The following IFT122 variants were observed in gnomAD, a reference collection of about 807,000 sequenced individuals.
IFT122 encodes the protein intraflagellar transport protein 122 homolog.
In IFT122, 118 loss-of-function variants were observed where a neutral mutation model predicts 161.6. The ratio of observed to expected loss-of-function variants is 0.73; its 90% CI spans 0.63 to 0.85. IFT122 has a LOEUF of 0.85. Among genes scored for constraint, IFT122 ranks in the 40% least tolerant of loss-of-function variants. The probability of loss-of-function intolerance (pLI) is 0.00; values close to 1 mark genes in which losing one functional copy is unlikely to be tolerated. For missense variants in IFT122, 1,381 were observed against 1,579.6 expected (o/e 0.87, Z 2.13); for synonymous variants, 550 against 602.4 (o/e 0.91, Z 1.27).
rs1430489704 is a variant in IFT122, at chr3:129,519,197, C to T, written c.3471+11C>T. The T allele has an allele frequency of 4.3e-6, 7 of 1,612,576 alleles. No homozygotes were observed. The Admixed American group carries it at 1.2e-4, about 27-fold the overall frequency. On this transcript the variant is annotated intron_variant, in intron 28 of 29. Transcript: ENST00000348417. ...AAGCTGAGCTTTGAGGTGAGGGTGCCTCTCTGGGTGACCTGCAGGAGGGCA... is the reference window on the plus strand; with the variant it reads ...AAGCTGAGCTTTGAGGTGAGGGTGCTTCTCTGGGTGACCTGCAGGAGGGCA...
rs372702964 is a variant in IFT122 at position 129,458,595 on chromosome 3, T to C, written c.194-4T>C. The C allele has an allele frequency of 6.5e-5, 105 of 1,613,226 alleles. No individual in the cohort carries two copies. The highest frequency in any genetic ancestry group is 8.2e-5 in the Non-Finnish European group (97 of 1,179,274). ...AAGACTTTCCATTTTACAAACACTTTTAGGCAAGCGCTTTGCTTCTGGATC... is the reference window on the plus strand; with the variant it reads ...AAGACTTTCCATTTTACAAACACTTCTAGGCAAGCGCTTTGCTTCTGGATC... On this transcript the variant is annotated splice_polypyrimidine_tract_variant and splice_region_variant and intron_variant, in intron 3 of 29. Transcript: ENST00000348417.
At chr3:129,482,347 G>A (rs1476352792) in intron 14 of IFT122, among the ~76,000 whole-genome samples, 5 of 152,204 alleles carry the variant, frequency 3.3e-5, no homozygotes, top group Non-Finnish European at 7.3e-5. Context: ...TTTCTGCTGG[G>A]CTCGCGCCAT....
At chr3:129,460,736 G>A in intron 4 of IFT122, 5 of 812,676 alleles carry the variant, frequency 6.2e-6, no homozygotes, top group South Asian at 1.4e-5. Context: ...GAATGAATGA[G>A]TGAAGTTGTA....
intron 9 of IFT122, among the ~76,000 whole-genome samples, chr3:129,473,369 T>C (rs2077567350): frequency 1.3e-5 from 2 of 152,246 alleles, no homozygotes; most frequent in African/African-American, 4.8e-5. Context: ...TTGATTTTTT[T>C]CCCTTGAATA....
At chr3:129,446,266 C>A (rs1319455533) in intron 1 of IFT122, among the ~76,000 whole-genome samples, 1 of 151,680 alleles carries the variant, frequency 6.6e-6, no homozygotes, top group Non-Finnish European at 1.5e-5. Context: ...ACTCTGTCGC[C>A]CAGGCTGGAG....
intron 16 of IFT122, among the ~76,000 whole-genome samples, chr3:129,490,844 G>GC (rs563810995): frequency 5.1e-4 from 77 of 152,284 alleles, no homozygotes; most frequent in Non-Finnish European, 1.0e-3. Flanking sequence ...TGTGATGCCC[G>GC]CATTGCCCTT....
In IFT122 at chr3:129,451,949, C is replaced by T; in HGVS notation, c.144C>T (p.Pro48=). The change falls in exon 3 of 30, where the codon CCC becomes CCT. Residue 48 remains proline (P), a synonymous_variant. Coordinates refer to ENST00000348417, the MANE Select transcript of IFT122 (RefSeq NM_052989.3). ...YDTSDGTLLQ[P]LKGHKDTVYC... is the part of the protein sequence containing the mutation. ...CCTCTGATGGCACCTTACTTCAGCC[C>T]CTCAAGGGACACAAAGACACTGTGT... 1.2e-6 allele frequency: 2 copies of T among 1,614,064 alleles called. No individual in the cohort carries two copies. Among genetic ancestry groups the T allele is most frequent in the Admixed American group, 1.7e-5 (1 of 60,028 alleles).
At chr3:129,481,505 A>G (rs770720022) in intron 13 of IFT122, 25 bp from the exon 14 acceptor site, 3 of 1,486,834 alleles carry the variant, frequency 2.0e-6, no homozygotes, top group South Asian at 1.1e-5. Flanking sequence ...GGTGACTGAC[A>G]CTGTTTTCGC....
Position 129,488,376 on chromosome 3 carries a change from A to G in IFT122, c.1971A>G (p.Leu657=), listed in dbSNP as rs1225925305. The G allele has an allele frequency of 6.2e-6, 10 of 1,614,202 alleles. No homozygotes were observed. The South Asian group carries it at 1.1e-4, about 18-fold the overall frequency. Residue 657 remains leucine, a synonymous_variant, in exon 16 of 30, where the codon TTA becomes TTG. Transcript: ENST00000348417. ...RELAMEALEG[L]DFETAKKAFI... ...TGGCCATGGAAGCGCTAGAAGGTTT[A>G]GATTTTGAAACAGCAAAGAAGGTAA... is the stretch of plus-strand genomic sequence containing the variant.
At chr3:129,512,508 T>G in intron 24 of IFT122, 96 bp downstream of exon 24, 1 of 888,212 alleles carries the variant, frequency 1.1e-6, no homozygotes, top group Non-Finnish European at 1.9e-6. Context: ...AGAACCTTCC[T>G]CTCTCAGCAA....
At chr3:129,491,007 G>T (rs919892653) in intron 16 of IFT122, among the ~76,000 whole-genome samples, 2 of 152,200 alleles carry the variant, frequency 1.3e-5, no homozygotes, top group Non-Finnish European at 2.9e-5. Flanking sequence ...GCTCTGGGAG[G>T]TGTCATGATC....
At chr3:129,481,450 A>G (rs1468979530) in intron 13 of IFT122, 80 bp from the exon 14 acceptor site, 3 of 1,312,486 alleles carry the variant, frequency 2.3e-6, no homozygotes, top group Non-Finnish European at 3.3e-6. Context: ...TGCAGAGCAC[A>G]TGGGATTCCA....
At chr3:129,440,443 T>C in intron 1 of IFT122, 72 bp downstream of exon 1, 1 of 1,519,878 alleles carries the variant, frequency 6.6e-7, no homozygotes, top group South Asian at 1.2e-5. Context: ...CGCTGCAGCG[T>C]GTTTGAGGGG....
At chr3:129,515,389 C>A (rs979405564) in intron 25 of IFT122, 99 bp from the exon 26 acceptor site, 3 of 1,011,142 alleles carry the variant, frequency 3.0e-6, no homozygotes, top group South Asian at 1.4e-5. Context: ...GGTGGCCTTT[C>A]CTCTTGGCAG....
Position 129,466,891 on chromosome 3 carries a change from C to A in IFT122, c.565C>A (p.Arg189=), listed in dbSNP as rs138329739. The A allele has an allele frequency of 1.2e-6, 2 of 1,613,634 alleles. No homozygotes were observed. The highest frequency in any genetic ancestry group is 1.7e-6 in the Non-Finnish European group (2 of 1,179,534). ...IWSICWNPSS[R]WESFWMNREN... The stretch of plus-strand genomic sequence containing the variant: ...TGAACAACTACTTACTGTCTACAGC[C>A]GATGGGAGAGTTTCTGGATGAACAG... Residue 189 remains arginine (R), a splice_region_variant and synonymous_variant, in exon 8 of 30, where the codon CGA becomes AGA. Coordinates refer to ENST00000348417, the MANE Select transcript of IFT122 (RefSeq NM_052989.3).
At chr3:129,466,711 C>T (rs2076832424) in intron 7 of IFT122, among the ~76,000 whole-genome samples, 179 bp from the exon 8 acceptor site, 2 of 151,994 alleles carry the variant, frequency 1.3e-5, no homozygotes. Context: ...CCATGTTGGC[C>T]AGGCTGGTCT....
chr3:129,481,800 C>G, intron 14 of IFT122, 106 bp downstream of exon 14: 3 of 1,266,544 alleles, frequency 2.4e-6, no homozygotes, highest in Non-Finnish European at 3.4e-6. Flanking sequence ...AGGCAGGTCT[C>G]TGGGAGGGGC....
rs368152801 is a variant in IFT122 at position 129,507,655 on chromosome 3, C to T, written c.2792-13C>T. 55 of 1,612,002 alleles carry T rather than the reference C, an allele frequency of 3.4e-5. No homozygotes were observed. The highest frequency in any genetic ancestry group is 1.0e-4 in the Admixed American group (6 of 60,002). ...TTTGACACGTTTCCCCTCCCACCCG[C>T]TGCACACAGCAGATCCTGCCCAGAA... On this transcript the variant is annotated splice_polypyrimidine_tract_variant and intron_variant, in intron 22 of 29. Transcript: ENST00000348417.
intron 22 of IFT122, among the ~76,000 whole-genome samples, chr3:129,507,226 G>T (rs566042437): frequency 3.9e-5 from 6 of 152,174 alleles, no homozygotes; most frequent in Non-Finnish European, 8.8e-5. Flanking sequence ...GTGTAAGGTC[G>T]CATTTTTCTG....
Sources: gnomAD v4.1 joint callset for allele counts (sites outside exome capture counted in the v4.1 genomes callset) on GRCh38, gnomAD v4.1.1 for gene constraint, MANE v1.5 for transcripts, NCBI Gene and HGNC (gene_info 2026-07-23, HGNC 2026-07-21) for gene names.